CMIP: variants seen among roughly 807,000 people sequenced by gnomAD.
CMIP encodes C-Maf-inducing protein.
In CMIP, 13 loss-of-function variants were observed where a neutral mutation model predicts 97.3. The ratio of observed to expected loss-of-function variants is 0.13; its 90% CI spans 0.09 to 0.21. The LOEUF (loss-of-function observed/expected upper bound fraction) is 0.21, where lower values mean the gene tolerates loss of function less well. Among genes scored for constraint, CMIP ranks in the 10% least tolerant of loss-of-function variants. CMIP has a pLI of 1.00. For missense variants in CMIP, 847 were observed against 1,024.9 expected (o/e 0.83, Z 2.37); for synonymous variants, 538 against 436.3 (o/e 1.23, Z -2.91).
chr16:81,479,927 C>G (rs980899803), intron 1 of CMIP, among the ~76,000 whole-genome samples: 2 of 152,136 alleles, frequency 1.3e-5, no homozygotes, highest in African/African-American at 4.8e-5. Context: ...ATGATGAAAG[C>G]TTGGATTTCT....
chr16:81,509,523 C>G (rs542243155), intron 1 of CMIP, among the ~76,000 whole-genome samples: 1 of 152,176 alleles, frequency 6.6e-6, no homozygotes, highest in Admixed American at 6.5e-5. Context: ...ATGGGAATGA[C>G]TTTCATGTTG....
intron 6 of CMIP, 147 bp downstream of exon 6, chr16:81,661,093 C>G: frequency 3.2e-6 from 3 of 924,444 alleles, no homozygotes; most frequent in Admixed American, 1.8e-5. Flanking sequence ...GAGGGCATGC[C>G]CGGCACCCAT....
chr16:81,708,254 G>A (rs1036665203), intron 20 of CMIP, among the ~76,000 whole-genome samples: 5 of 152,238 alleles, frequency 3.3e-5, no homozygotes, highest in African/African-American at 7.2e-5. Context: ...CCATCCCAGC[G>A]TTTAGACCTC....
At chr16:81,464,649 A>C (rs964269837) in intron 1 of CMIP, 1 of 152,260 alleles carries the variant, frequency 6.6e-6, no homozygotes, top group Non-Finnish European at 1.5e-5. Flanking sequence ...CATTAAATAC[A>C]TTCACAGTCA....
At chr16:81,684,319 G>C (rs991429398) in intron 10 of CMIP, among the ~76,000 whole-genome samples, 7 of 152,262 alleles carry the variant, frequency 4.6e-5, no homozygotes, top group Admixed American at 4.6e-4. Context: ...TCTGGATGTT[G>C]CATAGCAGGA....
chr16:81,623,388 A>G (rs1357953152), intron 3 of CMIP, among the ~76,000 whole-genome samples: 2 of 152,180 alleles, frequency 1.3e-5, no homozygotes, highest in African/African-American at 2.4e-5. Context: ...ATTTTCAGAA[A>G]ACCTAAATCA....
intron 1 of CMIP, among the ~76,000 whole-genome samples, chr16:81,492,878 G>A (rs2089427237): frequency 6.6e-6 from 1 of 152,010 alleles, no homozygotes. Flanking sequence ...TGGGGTGGGG[G>A]TACGTGGGAG....
intron 1 of CMIP, among the ~76,000 whole-genome samples, chr16:81,536,438 A>G (rs1266748158): frequency 6.6e-6 from 1 of 152,206 alleles, no homozygotes; most frequent in Admixed American, 6.5e-5. Flanking sequence ...GGATAAGAAT[A>G]TTCTCTTATA....
chr16:81,469,532 T>C (rs1431594066), intron 1 of CMIP, among the ~76,000 whole-genome samples: 1 of 152,198 alleles, frequency 6.6e-6, no homozygotes, highest in Admixed American at 6.5e-5. Context: ...CTGTCATTGC[T>C]ACTGTTACCA....
At chr16:81,597,594 G>GGA (rs1003878206) in intron 1 of CMIP, among the ~76,000 whole-genome samples, 8 of 79,684 alleles carry the variant, frequency 1.0e-4, no homozygotes, top group African/African-American at 5.1e-4. Context: ...CGAGGGGAGC[G>GGA]GGGGGGGGGG....
rs149025940 is a variant in CMIP, at chr16:81,694,191, C to G, written c.1530+704C>G. 8.5e-5 allele frequency among the ~76,000 whole-genome samples: 13 copies of G among 152,310 alleles called. No homozygotes were observed. In the East Asian group the frequency reaches 1.9e-3, roughly 23 times the overall value. ...GCTGGTCCACGACTGAGGCAAGATTCGAGCCTGGTGCTGATAACCATCTCA... is the reference window on the plus strand; with the variant it reads ...GCTGGTCCACGACTGAGGCAAGATTGGAGCCTGGTGCTGATAACCATCTCA... On this transcript the variant is annotated intron_variant, in intron 13 of 20. Coordinates refer to ENST00000537098, the MANE Select transcript of CMIP (RefSeq NM_198390.3).
chr16:81,568,013 G>A (rs895589699), intron 1 of CMIP, among the ~76,000 whole-genome samples: 5 of 143,016 alleles, frequency 3.5e-5, no homozygotes, highest in Admixed American at 7.2e-5. Context: ...CTGGATGACC[G>A]TGAGCTTTTC....
intron 3 of CMIP, among the ~76,000 whole-genome samples, chr16:81,644,040 T>C (rs904602994): frequency 1.3e-5 from 2 of 152,118 alleles, no homozygotes; most frequent in Admixed American, 1.3e-4. Context: ...AAAAAAATAG[T>C]GTTCAGTCTA....
At chr16:81,514,788 A>T (rs771788232) in intron 1 of CMIP, among the ~76,000 whole-genome samples, 1 of 152,164 alleles carries the variant, frequency 6.6e-6, no homozygotes, top group Non-Finnish European at 1.5e-5. Context: ...GGTGGTTGTG[A>T]AGATTAAGTG....
intron 3 of CMIP, among the ~76,000 whole-genome samples, chr16:81,649,362 C>T (rs1166357340): frequency 6.6e-6 from 1 of 152,248 alleles, no homozygotes; most frequent in Non-Finnish European, 1.5e-5. Context: ...ACCCCGAGGG[C>T]TCGTGTCTGA....
intron 11 of CMIP, 81 bp from the exon 12 acceptor site, chr16:81,693,077 C>A: frequency 9.9e-7 from 1 of 1,007,270 alleles, no homozygotes; most frequent in Non-Finnish European, 1.6e-6. Flanking sequence ...GTCTAGACGT[C>A]CCCAGAGGTT....
chr16:81,673,464 C>T (rs1273740632), intron 9 of CMIP, among the ~76,000 whole-genome samples: 2 of 152,046 alleles, frequency 1.3e-5, no homozygotes, highest in African/African-American at 4.8e-5. Context: ...TGCAGTGAGC[C>T]AAGATCACAC....
intron 3 of CMIP, among the ~76,000 whole-genome samples, chr16:81,635,104 T>A (rs150376143): frequency 1.5e-3 from 226 of 152,332 alleles, no homozygotes; most frequent in African/African-American, 5.1e-3. Flanking sequence ...ATTTGCATTT[T>A]TTTATTTATT....
chr16:81,464,518 A>T (rs780180704), intron 1 of CMIP: 2 of 152,186 alleles, frequency 1.3e-5, no homozygotes, highest in African/African-American at 2.4e-5. Flanking sequence ...TCATTCATTC[A>T]TTCATTCATT....
Sources: allele counts gnomAD v4.1 joint callset (sites outside exome capture counted in the v4.1 genomes callset), GRCh38; gene constraint gnomAD v4.1.1; transcripts MANE v1.5; gene names NCBI Gene and HGNC (gene_info 2026-07-23, HGNC 2026-07-21).